Variants in CEP120 observed in about 807,000 individuals in gnomAD.
The protein encoded by CEP120 is centrosomal protein of 120 kDa.
CEP120 carries 113 observed loss-of-function variants against 126.5 expected under a neutral mutation model. The observed-to-expected ratio is 0.89, with a 90% CI of 0.77 to 1.04. The LOEUF (loss-of-function observed/expected upper bound fraction) is 1.04, where lower values mean the gene tolerates loss of function less well. Ranked by LOEUF, CEP120 falls within the 50% of genes least tolerant of loss-of-function variation. The pLI is 0.00. For synonymous variants in CEP120, 400 were observed against 394.3 expected (o/e 1.01, Z -0.17); for missense variants, 1,230 against 1,155.7 (o/e 1.06, Z -0.93).
chr5:123,370,806 T>C (rs999387019), intron 17 of CEP120, among the ~76,000 whole-genome samples: 3 of 150,402 alleles, frequency 2.0e-5, no homozygotes, highest in African/African-American at 7.3e-5. Context: ...GCAGGGTTTC[T>C]CCATGTTGCC....
chr5:123,354,711 G>A (rs1015460594), intron 18 of CEP120, among the ~76,000 whole-genome samples: 1 of 151,690 alleles, frequency 6.6e-6, no homozygotes, highest in Non-Finnish European at 1.5e-5. Context: ...CGCTAGACCA[G>A]CTTTCTCTTA....
At chr5:123,397,401 AT>A (rs1439044645) in intron 5 of CEP120, among the ~76,000 whole-genome samples, 1 of 152,258 alleles carries the variant, frequency 6.6e-6, no homozygotes, top group Non-Finnish European at 1.5e-5. Flanking sequence ...ATTCCTAATT[AT>A]CTGACATATA....
intron 14 of CEP120, among the ~76,000 whole-genome samples, chr5:123,379,139 CTG>C (rs1580678307): frequency 6.6e-6 from 1 of 152,054 alleles, no homozygotes; most frequent in Admixed American, 6.6e-5. Context: ...CAAAAACTAA[CTG>C]TTCTGGCGAG....
rs542926318 is a variant in CEP120, at chr5:123,395,336, A to G, written c.613-1839T>C. On this transcript the variant is annotated intron_variant, in intron 5 of 19. Coordinates refer to ENST00000306467, the MANE Select transcript of CEP120 (RefSeq NM_001375405.1). ...ATCCTCCATTCTATTAAAACTTTAT[A>G]GTAACATGTGCTAAGTCACTGATTT... 2.0e-5 allele frequency among the ~76,000 whole-genome samples: 3 copies of G among 152,176 alleles called. No individual in the cohort carries two copies. In the South Asian group the frequency reaches 6.2e-4, roughly 32 times the overall value.
At position 123,390,028 on chromosome 5, in the gene CEP120, G is replaced by A. The variant is rs745593990; in HGVS notation, c.1151C>T (p.Ser384Phe). 14 of 1,614,044 alleles carry A rather than the reference G, an allele frequency of 8.7e-6. No homozygotes were observed. The highest frequency in any genetic ancestry group is 1.2e-5 in the Non-Finnish European group (14 of 1,179,914). The change falls in exon 8 of 20, where the codon TCC becomes TTC. Residue 384 changes from serine (S) to phenylalanine (F), a missense_variant. Physicochemically the swap from Ser to Phe is radical, Grantham distance 155. Transcript: ENST00000306467. ...TLTGPKSPTV[S>F]PVPSHNQSPP... ...TGACTGGTTGTGAGATGGAACAGGG[G>A]ACACTGTTGGTGATTTTGGCCCAGT...
chr5:123,390,623 A>G (rs1204036399), intron 7 of CEP120, among the ~76,000 whole-genome samples: 1 of 152,236 alleles, frequency 6.6e-6, no homozygotes, highest in African/African-American at 2.4e-5. Flanking sequence ...AGAACAAGAT[A>G]AAGTTGATTT....
intron 5 of CEP120, among the ~76,000 whole-genome samples, chr5:123,397,701 G>C (rs12658906): frequency 0.4 from 61,546 of 152,102 alleles, 12,526 homozygotes; most frequent in East Asian, 0.48. Context: ...ATCTTTACCT[G>C]ATGTACCTTG....
chr5:123,418,280 A>C, intron 2 of CEP120, 79 bp downstream of exon 2: 1 of 1,321,210 alleles, frequency 7.6e-7, no homozygotes, highest in Non-Finnish European at 1.0e-6. Context: ...CCAAGTATTA[A>C]ATACTCAAAC....
intron 19 of CEP120, among the ~76,000 whole-genome samples, chr5:123,347,825 ATAT>A: frequency 6.6e-6 from 1 of 152,014 alleles, no homozygotes; most frequent in East Asian, 1.9e-4. Context: ...TTGTATATAT[ATAT>A]TGTTTTTAGA....
At chr5:123,419,535 A>C (rs1388033962) in intron 1 of CEP120, among the ~76,000 whole-genome samples, 2 of 139,580 alleles carry the variant, frequency 1.4e-5, no homozygotes, top group Non-Finnish European at 3.1e-5. Flanking sequence ...CCATCTCAAA[A>C]AAAAACAAAA....
chr5:123,407,545 T>G (rs937520768), intron 4 of CEP120, among the ~76,000 whole-genome samples: 36 of 152,294 alleles, frequency 2.4e-4, no homozygotes, highest in Admixed American at 2.2e-3. Flanking sequence ...AAATAATTTT[T>G]AACGTGAATG....
chr5:123,369,576 T>C (rs1181784846), intron 17 of CEP120, among the ~76,000 whole-genome samples: 1 of 152,018 alleles, frequency 6.6e-6, no homozygotes, highest in African/African-American at 2.4e-5. Context: ...CAATCCAGGC[T>C]TAACCTCACT....
intron 18 of CEP120, among the ~76,000 whole-genome samples, chr5:123,351,411 C>G (rs950618891): frequency 3.3e-5 from 5 of 152,096 alleles, no homozygotes; most frequent in African/African-American, 1.2e-4. Flanking sequence ...CATTCCACTG[C>G]TGAAGGACAT....
In CEP120 at chr5:123,423,346, G is replaced by A. The variant is rs759043582; in HGVS notation, c.-348C>T. 2 of 350,736 alleles carry A rather than the reference G, an allele frequency of 5.7e-6. No individual in the cohort carries two copies. Among genetic ancestry groups the A allele is most frequent in the East Asian group, 6.3e-5 (1 of 15,768 alleles). 21.7% of individuals were successfully genotyped at this position (350,736 alleles called of 1,614,324 possible). On this transcript the variant is annotated 5_prime_UTR_variant, in exon 1 of 20. Transcript: ENST00000306467. ...GCCGCAGCGGCCGCCGCCGCGCCCA[G>A]CTTCCGCCTAGCAACCAGGCCCGCA...
intron 16 of CEP120, among the ~76,000 whole-genome samples, chr5:123,373,519 A>G (rs1386712680): frequency 2.6e-5 from 4 of 152,222 alleles, no homozygotes; most frequent in South Asian, 4.1e-4. Flanking sequence ...AGCTGGCAAG[A>G]GTGTCTCCAG....
At chr5:123,370,258 C>G (rs568506303) in intron 17 of CEP120, among the ~76,000 whole-genome samples, 22 of 152,048 alleles carry the variant, frequency 1.4e-4, no homozygotes, top group Admixed American at 8.5e-4. Flanking sequence ...TATTCCACAG[C>G]CTACTATCAG....
intron 7 of CEP120, 37 bp downstream of exon 7, chr5:123,391,073 A>G: frequency 6.8e-7 from 1 of 1,472,174 alleles, no homozygotes; most frequent in African/African-American, 1.4e-5. Context: ...GCATGGGACT[A>G]GTGAAGCCAG....
At chr5:123,357,113 C>T (rs1054466668) in intron 18 of CEP120, among the ~76,000 whole-genome samples, 7 of 152,196 alleles carry the variant, frequency 4.6e-5, no homozygotes, top group Non-Finnish European at 1.0e-4. Context: ...TACTGTCTTA[C>T]AAATTTCTTT....
At chr5:123,388,209 G>T in intron 9 of CEP120, 1 of 294,016 alleles carries the variant, frequency 3.4e-6, no homozygotes, top group Non-Finnish European at 6.2e-6. Context: ...TATTATAAAT[G>T]CCTACAATTA....
Sources: allele counts gnomAD v4.1 joint callset (sites outside exome capture counted in the v4.1 genomes callset), GRCh38; gene constraint gnomAD v4.1.1; transcripts MANE v1.5; gene names NCBI Gene and HGNC (gene_info 2026-07-23, HGNC 2026-07-21).